The following SCUBE1 variants were observed in gnomAD, a reference collection of about 807,000 sequenced individuals.
The protein encoded by SCUBE1 is signal peptide, CUB domain and EGF like domain containing 1.
Under a neutral mutation model 124.4 loss-of-function variants are expected in SCUBE1, and 59 were observed. The observed-to-expected ratio is 0.47, with a 90% confidence interval of 0.38 to 0.59. The LOEUF (loss-of-function observed/expected upper bound fraction) is 0.59. Among genes scored for constraint, SCUBE1 ranks in the 20% least tolerant of loss-of-function variants. The pLI is 0.00. For missense variants in SCUBE1, 1,150 were observed against 1,371.2 expected (o/e 0.84, Z 2.55); for synonymous variants, 545 against 550.9 (o/e 0.99, Z 0.15).
At chr22:43,335,486 C>G (rs1215363883) in intron 2 of SCUBE1, among the ~76,000 whole-genome samples, 1 of 152,184 alleles carries the variant, frequency 6.6e-6, no homozygotes, top group East Asian at 1.9e-4. Flanking sequence ...CCTTTTGGTT[C>G]CTAACAATTG....
chr22:43,225,871 C>G (rs1209324407), intron 10 of SCUBE1, among the ~76,000 whole-genome samples: 2 of 152,032 alleles, frequency 1.3e-5, no homozygotes, highest in African/African-American at 4.8e-5. Context: ...CCATATCCTT[C>G]CTATGCTTGT....
At chr22:43,277,099 G>A (rs906807674) in intron 4 of SCUBE1, among the ~76,000 whole-genome samples, 2 of 152,076 alleles carry the variant, frequency 1.3e-5, no homozygotes, top group African/African-American at 4.8e-5. Flanking sequence ...GCAGGGATGC[G>A]TAGGTTCCAC....
chr22:43,216,257 G>A (rs1488276952), intron 15 of SCUBE1, among the ~76,000 whole-genome samples: 2 of 150,820 alleles, frequency 1.3e-5, no homozygotes, highest in African/African-American at 4.9e-5. Context: ...ATGTTGGCCA[G>A]GCTGGTCTCA....
chr22:43,281,429 CCTCCCTTGGCCACCCTCCTGTCAT>C lies in SCUBE1; in HGVS notation c.484+9593_484+9616del, dbSNP rs1392456309. Among the ~76,000 whole-genome samples the C allele has an allele frequency of 1.6e-3, 152 of 95,450 alleles. 3 individuals are homozygous for C. Among genetic ancestry groups the C allele is most frequent in the African/African-American group, 9.7e-3 (102 of 10,532 alleles). 62.6% of individuals were successfully genotyped at this position (95,450 alleles called of 152,430 possible). A position where few individuals can be genotyped will look rare whatever the true frequency, so the allele number is the denominator to read the frequency against. ...ACCTCCCTCAGCCATCCTCCTGTCACCTCCCTTGGCCACCCTCCTGTCATCTCCCTCAGCCACCCTCCTGTCACC... is the reference window on the plus strand; with the variant it reads ...ACCTCCCTCAGCCATCCTCCTGTCACCTCCCTCAGCCACCCTCCTGTCACC... On this transcript the variant is annotated intron_variant, in intron 4 of 21. Coordinates refer to ENST00000360835, the MANE Select transcript of SCUBE1 (RefSeq NM_173050.5).
At chr22:43,232,837 C>T (rs1203843160) in intron 7 of SCUBE1, among the ~76,000 whole-genome samples, 2 of 152,220 alleles carry the variant, frequency 1.3e-5, no homozygotes, top group African/African-American at 4.8e-5. Context: ...GCTCCCTTGT[C>T]GGGCCCATCT....
At chr22:43,339,300 G>A (rs1927189534) in intron 1 of SCUBE1, 65 bp from the exon 2 acceptor site, 2 of 1,528,694 alleles carry the variant, frequency 1.3e-6, no homozygotes, top group Non-Finnish European at 1.8e-6. Flanking sequence ...GGCCGATAGT[G>A]TAGGGCAGGG....
Position 43,240,192 on chromosome 22 carries a change from C to T in SCUBE1, c.728-1238G>A, listed in dbSNP as rs191824386. ...ATGGTCACGGCTGAGCCATCACCAC[C>T]GTAGGATGAGCTGCGGCTGCCAGTG... On this transcript the variant is annotated intron_variant, in intron 6 of 21. Coordinates refer to ENST00000360835, the MANE Select transcript of SCUBE1 (RefSeq NM_173050.5). Among the ~76,000 whole-genome samples, 9 of 152,264 alleles carry T rather than the reference C, an allele frequency of 5.9e-5. No individual in the cohort carries two copies. In the East Asian group the frequency reaches 1.2e-3, roughly 20 times the overall value.
chr22:43,334,976 C>A (rs905187052), intron 2 of SCUBE1, among the ~76,000 whole-genome samples: 1 of 152,172 alleles, frequency 6.6e-6, no homozygotes, highest in Non-Finnish European at 1.5e-5. Flanking sequence ...CCTAAGCTGA[C>A]CTTAATAGAG....
rs559339534 is a variant in SCUBE1 at position 43,293,450 on chromosome 22, G to GC, written c.350-2271dup. On this transcript the variant is annotated intron_variant, in intron 3 of 21. Transcript: ENST00000360835. ...GCGCCTTTGGCCCCAGGCTAAGCTG[G>GC]CTGCGTCAGCGCATGTGCTCAGACC... Among the ~76,000 whole-genome samples the GC allele has an allele frequency of 1.5e-3, 235 of 152,346 alleles. 3 individuals carry two copies. The highest frequency in any genetic ancestry group is 5.2e-3 in the African/African-American group (216 of 41,574).
chr22:43,315,438 C>T (rs1263310408), intron 3 of SCUBE1, among the ~76,000 whole-genome samples: 1 of 152,200 alleles, frequency 6.6e-6, no homozygotes, highest in East Asian at 1.9e-4. Context: ...GATTAAGCCC[C>T]ATGATCCTAG....
chr22:43,205,146 CAG>C (rs1056257112), intron 21 of SCUBE1, among the ~76,000 whole-genome samples: 1 of 152,116 alleles, frequency 6.6e-6, no homozygotes, highest in African/African-American at 2.4e-5. Context: ...CTTCCCTGCA[CAG>C]AGAGGTCACG....
In SCUBE1 at chr22:43,334,499, T is replaced by C. The variant is rs576949738; in HGVS notation, c.220+4605A>G. On this transcript the variant is annotated intron_variant, in intron 2 of 21. Transcript: ENST00000360835. ...AACACTGTGATCATTGACATCAACA[T>C]AGTGACGATGATGATGATCAGATAC... Among the ~76,000 whole-genome samples, 6 of 152,284 alleles carry C rather than the reference T, an allele frequency of 3.9e-5. No homozygotes were observed. In the South Asian group the frequency reaches 1.2e-3, roughly 32 times the overall value.
At chr22:43,314,962 C>T (rs776746648) in intron 3 of SCUBE1, among the ~76,000 whole-genome samples, 6 of 152,076 alleles carry the variant, frequency 3.9e-5, no homozygotes, top group Admixed American at 1.3e-4. Flanking sequence ...TCCCAAGTCC[C>T]GCAAACGTCA....
intron 2 of SCUBE1, 103 bp from the exon 3 acceptor site, chr22:43,320,168 A>G (rs1034096088): frequency 5.6e-6 from 8 of 1,424,340 alleles, no homozygotes; most frequent in Non-Finnish European, 6.8e-6. Flanking sequence ...GGGATGATTC[A>G]ACAAGTATTC....
intron 2 of SCUBE1, among the ~76,000 whole-genome samples, chr22:43,333,335 C>A (rs1601898978): frequency 6.6e-6 from 1 of 152,246 alleles, no homozygotes; most frequent in African/African-American, 2.4e-5. Context: ...ATTAGGCTGA[C>A]CGCAGGGGGC....
intron 1 of SCUBE1, 83 bp from the exon 2 acceptor site, chr22:43,339,318 T>G: frequency 4.4e-6 from 6 of 1,372,858 alleles, no homozygotes; most frequent in Non-Finnish European, 5.0e-6. Flanking sequence ...GGGGGAGCTC[T>G]TGCCTTTGCC....
chr22:43,277,305 GA>G (rs1924567209), intron 4 of SCUBE1, among the ~76,000 whole-genome samples: 1 of 152,164 alleles, frequency 6.6e-6, no homozygotes, highest in South Asian at 2.1e-4. Context: ...GGAGCCATGG[GA>G]AGGTCTTGAG....
At chr22:43,295,586 T>C (rs955538932) in intron 3 of SCUBE1, among the ~76,000 whole-genome samples, 1 of 152,232 alleles carries the variant, frequency 6.6e-6, no homozygotes, top group African/African-American at 2.4e-5. Context: ...TGGGCTCTCA[T>C]AGCCTGCCCA....
At chr22:43,251,489 T>C (rs1388642474) in intron 6 of SCUBE1, among the ~76,000 whole-genome samples, 1 of 152,150 alleles carries the variant, frequency 6.6e-6, no homozygotes, top group Non-Finnish European at 1.5e-5. Flanking sequence ...TCCTGGATTA[T>C]CTGGAGGGGC....
Sources: gnomAD v4.1 joint callset for allele counts (sites outside exome capture counted in the v4.1 genomes callset) on GRCh38, gnomAD v4.1.1 for gene constraint, MANE v1.5 for transcripts, NCBI Gene and HGNC (gene_info 2026-07-23, HGNC 2026-07-21) for gene names.